ROBO1: variants seen among roughly 807,000 people sequenced by gnomAD.
ROBO1 encodes roundabout homolog 1.
A neutral mutation model predicts 195.9 loss-of-function variants in ROBO1; 149 were observed. That is an observed-to-expected ratio of 0.76 (90% CI 0.67 to 0.87). ROBO1 has a LOEUF of 0.87. Ranked by LOEUF, ROBO1 falls within the 40% of genes least tolerant of loss-of-function variation. ROBO1 has a pLI of 0.00. For missense variants in ROBO1, 1,933 were observed against 2,068.3 expected (o/e 0.93, Z 1.27); for synonymous variants, 816 against 733.2 (o/e 1.11, Z -1.82).
intron 4 of ROBO1, among the ~76,000 whole-genome samples, chr3:78,905,498 A>G (rs1168943436): frequency 1.3e-5 from 2 of 152,040 alleles, no homozygotes; most frequent in Non-Finnish European, 1.5e-5. Flanking sequence ...ATGCACCTAT[A>G]GTCCCAGCTA....
chr3:79,080,452 G>A (rs1407888567), intron 3 of ROBO1, among the ~76,000 whole-genome samples: 1 of 151,674 alleles, frequency 6.6e-6, no homozygotes, highest in Non-Finnish European at 1.5e-5. Flanking sequence ...AAGATAAAAT[G>A]ACATTAGATT....
intron 2 of ROBO1, among the ~76,000 whole-genome samples, chr3:79,326,364 T>C (rs1228150024): frequency 6.6e-6 from 1 of 152,136 alleles, no homozygotes; most frequent in Non-Finnish European, 1.5e-5. Context: ...TTGTGGGGCA[T>C]CACGGAACCT....
At chr3:78,696,197 T>C (rs1032851759) in intron 8 of ROBO1, among the ~76,000 whole-genome samples, 1 of 151,652 alleles carries the variant, frequency 6.6e-6, no homozygotes, top group South Asian at 2.1e-4. Context: ...TCGACATTTA[T>C]GGGAGGCTGC....
Position 78,696,689 on chromosome 3 carries a change from CAT to C in ROBO1, c.1046-7919_1046-7918del, listed in dbSNP as rs557253741. Among the ~76,000 whole-genome samples the C allele has an allele frequency of 3.2e-3, 465 of 145,862 alleles. 3 individuals are homozygous for C. Among genetic ancestry groups the C allele is most frequent in the African/African-American group, 0.01 (405 of 39,926 alleles). ...ACACATATATATACATGTATACATA[CAT>C]ATATATATACACATATATATACACG... On this transcript the variant is annotated intron_variant, in intron 8 of 30. Coordinates refer to ENST00000464233, the MANE Select transcript of ROBO1 (RefSeq NM_002941.4).
intron 3 of ROBO1, among the ~76,000 whole-genome samples, chr3:78,960,828 ACACAC>A (rs1479567844): frequency 9.5e-5 from 14 of 148,016 alleles, no homozygotes; most frequent in East Asian, 4.0e-4. Flanking sequence ...ACACACACAC[ACACAC>A]AAAATGAAAA....
intron 1 of ROBO1, among the ~76,000 whole-genome samples, chr3:79,645,289 C>T (rs1288475147): frequency 6.6e-6 from 1 of 151,796 alleles, no homozygotes; most frequent in African/African-American, 2.4e-5. Flanking sequence ...ATTGCTTGAG[C>T]CCAGGAGTTT....
chr3:79,035,894 A>C (rs147549858), intron 3 of ROBO1, among the ~76,000 whole-genome samples: 1 of 152,330 alleles, frequency 6.6e-6, no homozygotes, highest in East Asian at 1.9e-4. Flanking sequence ...AAAGTGTTTA[A>C]CTAAAGGACT....
At chr3:79,662,946 A>C (rs1946373603) in intron 1 of ROBO1, among the ~76,000 whole-genome samples, 1 of 152,100 alleles carries the variant, frequency 6.6e-6, no homozygotes, top group African/African-American at 2.4e-5. Flanking sequence ...TATATAAAAT[A>C]ATCACGATAT....
rs572937583 is a variant in ROBO1 at position 79,298,104 on chromosome 3, T to A, written c.89-172565A>T. On this transcript the variant is annotated intron_variant, in intron 2 of 30. Coordinates refer to ENST00000464233, the MANE Select transcript of ROBO1 (RefSeq NM_002941.4). Reference sequence around the variant, plus strand: ...ATAATGAATTGACTATATATTTTTGTGATATGGATTTAAAAAAAAATATCA... The same window carrying A: ...ATAATGAATTGACTATATATTTTTGAGATATGGATTTAAAAAAAAATATCA... Among the ~76,000 whole-genome samples, 334 of 152,266 alleles carry A rather than the reference T, an allele frequency of 2.2e-3. 1 individual carries two copies. Among genetic ancestry groups the A allele is most frequent in the African/African-American group, 7.0e-3 (292 of 41,572 alleles).
intron 4 of ROBO1, among the ~76,000 whole-genome samples, chr3:78,785,957 C>T (rs2083820490): frequency 6.6e-6 from 1 of 152,014 alleles, no homozygotes; most frequent in Admixed American, 6.6e-5. Context: ...AAAATCAGAA[C>T]CAATATTTCT....
intron 3 of ROBO1, among the ~76,000 whole-genome samples, chr3:78,978,771 T>A (rs1320512940): frequency 6.6e-6 from 1 of 152,170 alleles, no homozygotes; most frequent in Non-Finnish European, 1.5e-5. Flanking sequence ...TCGCTCTCAA[T>A]AATGAAAATC....
chr3:79,289,600 T>G (rs1393822963), intron 2 of ROBO1, among the ~76,000 whole-genome samples: 2 of 152,200 alleles, frequency 1.3e-5, no homozygotes, highest in Non-Finnish European at 2.9e-5. Flanking sequence ...GGGTGTTATA[T>G]AGTACCATAG....
chr3:78,882,872 G>A (rs1022140913), intron 4 of ROBO1, among the ~76,000 whole-genome samples: 3 of 150,070 alleles, frequency 2.0e-5, no homozygotes, highest in Non-Finnish European at 3.0e-5. Flanking sequence ...GAGTGCAGTG[G>A]TGTGATCTTG....
intron 4 of ROBO1, among the ~76,000 whole-genome samples, chr3:78,813,206 T>G (rs1050643253): frequency 9.3e-5 from 14 of 151,178 alleles, no homozygotes; most frequent in Non-Finnish European, 2.1e-4. Flanking sequence ...TAATTTGTAT[T>G]CCACATATTA....
At chr3:79,616,088 A>T (rs373435291) in intron 1 of ROBO1, among the ~76,000 whole-genome samples, 1 of 152,140 alleles carries the variant, frequency 6.6e-6, no homozygotes, top group Non-Finnish European at 1.5e-5. Flanking sequence ...GAGCTAGTCT[A>T]CCCTCATGAG....
chr3:79,397,963 A>T (rs146454137), intron 2 of ROBO1, among the ~76,000 whole-genome samples: 1 of 152,248 alleles, frequency 6.6e-6, no homozygotes, highest in African/African-American at 2.4e-5. Context: ...AATTTAAAAA[A>T]TCATATGTAG....
At chr3:79,611,896 C>A (rs553269847) in intron 1 of ROBO1, among the ~76,000 whole-genome samples, 14 of 150,300 alleles carry the variant, frequency 9.3e-5, no homozygotes, top group East Asian at 2.0e-4. Flanking sequence ...ACAACAACAA[C>A]AAAAAAAGAA....
chr3:79,329,467 AT>A (rs1221763422), intron 2 of ROBO1, among the ~76,000 whole-genome samples: 2 of 152,198 alleles, frequency 1.3e-5, no homozygotes, highest in African/African-American at 2.4e-5. Context: ...TGATGCCATC[AT>A]TTTCAGTTGG....
intron 1 of ROBO1, among the ~76,000 whole-genome samples, chr3:79,734,864 A>G (rs1392140755): frequency 6.6e-6 from 1 of 152,218 alleles, no homozygotes; most frequent in Admixed American, 6.5e-5. Flanking sequence ...AGTTTTAAAA[A>G]TAGCTAACCC....
Sources: gnomAD v4.1 joint callset for allele counts (sites outside exome capture counted in the v4.1 genomes callset) on GRCh38, gnomAD v4.1.1 for gene constraint, MANE v1.5 for transcripts, NCBI Gene and HGNC (gene_info 2026-07-23, HGNC 2026-07-21) for gene names.